Variants in ZC3H12B observed in about 807,000 individuals in gnomAD.
The protein encoded by ZC3H12B is zinc finger CCCH-type containing 12B.
Under a neutral mutation model 43.9 loss-of-function variants are expected in ZC3H12B, and 7 were observed. That is an observed-to-expected ratio of 0.16 (90% CI 0.09 to 0.30). The LOEUF is 0.30. ZC3H12B is among the 10% of genes least tolerant of loss of function. The pLI is 1.00. For missense variants in ZC3H12B, 475 were observed against 670.2 expected (o/e 0.71, Z 3.22); for synonymous variants, 222 against 241.7 (o/e 0.92, Z 0.76).
chrX:65,112,985 T>A, the ZC3H12B span, among the ~76,000 whole-genome samples: 38 of 111,841 alleles, frequency 3.4e-4, no homozygotes, highest in African/African-American at 1.2e-3. Flanking sequence ...TGATTCAGTG[T>A]TATAGATGCC....
the ZC3H12B span, among the ~76,000 whole-genome samples, chrX:65,329,854 G>A: frequency 1.8e-5 from 2 of 111,233 alleles, no homozygotes; most frequent in Non-Finnish European, 3.8e-5. Context: ...AGATCAGATA[G>A]TTGTAGATAT....
At chrX:65,134,036 AG>A in the ZC3H12B span, among the ~76,000 whole-genome samples, 1 of 111,237 alleles carries the variant, frequency 9.0e-6, no homozygotes, top group Non-Finnish European at 1.9e-5. Flanking sequence ...GTGTTGCAGA[AG>A]AAAATAAGAT....
At chrX:65,215,365 A>G in the ZC3H12B span, among the ~76,000 whole-genome samples, 1 of 111,648 alleles carries the variant, frequency 9.0e-6, no homozygotes, top group Non-Finnish European at 1.9e-5. Context: ...ACCATCATCT[A>G]TTATCTTATC....
chrX:65,113,530 T>C, the ZC3H12B span, among the ~76,000 whole-genome samples: 25,667 of 108,592 alleles, frequency 0.24, 7,649 homozygotes, highest in African/African-American at 0.83. Flanking sequence ...CACCACTGCA[T>C]TCCAACCTGG....
At chrX:65,284,446 TC>T in the ZC3H12B span, among the ~76,000 whole-genome samples, 1 of 111,055 alleles carries the variant, frequency 9.0e-6, no homozygotes, top group South Asian at 3.8e-4. Flanking sequence ...GAAAAACAAT[TC>T]AGGATATGAA....
At chrX:65,283,376 G>A in the ZC3H12B span, among the ~76,000 whole-genome samples, 1 of 111,624 alleles carries the variant, frequency 9.0e-6, no homozygotes, top group Non-Finnish European at 1.9e-5. Flanking sequence ...CATACTGAAT[G>A]GGCAAAAACT....
the ZC3H12B span, among the ~76,000 whole-genome samples, chrX:65,135,396 C>A: frequency 3.7e-5 from 4 of 107,485 alleles, no homozygotes; most frequent in Non-Finnish European, 7.7e-5. Flanking sequence ...TTTTAAATTT[C>A]TTTTCTGTTT....
chrX:65,356,555 C>A, the ZC3H12B span, among the ~76,000 whole-genome samples: 5 of 111,803 alleles, frequency 4.5e-5, no homozygotes, highest in Non-Finnish European at 9.4e-5. Flanking sequence ...CAAAAAAATT[C>A]CTTCATTGAC....
chrX:65,075,880 GCT>G, the ZC3H12B span, among the ~76,000 whole-genome samples: 1 of 111,752 alleles, frequency 8.9e-6, no homozygotes, highest in African/African-American at 3.3e-5. Flanking sequence ...TGCTGATGAT[GCT>G]ATGCTAAGCT....
At chrX:65,077,249 A>T in the ZC3H12B span, among the ~76,000 whole-genome samples, 2 of 111,751 alleles carry the variant, frequency 1.8e-5, no homozygotes, top group Non-Finnish European at 3.8e-5. Flanking sequence ...TCATTGAGCC[A>T]CCTTATCCTG....
At chrX:65,068,105 C>CTTTTTTTT in the ZC3H12B span, among the ~76,000 whole-genome samples, 61 of 60,619 alleles carry the variant, frequency 1.0e-3, no homozygotes, top group Middle Eastern at 0.011. Flanking sequence ...CTTGATGTTA[C>CTTTTTTTT]TTTTTTTTTT....
At chrX:65,279,934 A>T in the ZC3H12B span, among the ~76,000 whole-genome samples, 1 of 112,363 alleles carries the variant, frequency 8.9e-6, no homozygotes. Flanking sequence ...CACTTCTAAA[A>T]AGAAATCGTA....
intron 2 of ZC3H12B, among the ~76,000 whole-genome samples, chrX:65,392,077 C>T (rs1178838858): frequency 1.8e-5 from 2 of 111,581 alleles, no homozygotes; most frequent in African/African-American, 6.5e-5. Flanking sequence ...CTCAATGTTG[C>T]CCAGACTGGA....
At chrX:65,466,857 AT>A (rs1330584756) in intron 3 of ZC3H12B, among the ~76,000 whole-genome samples, 1 of 80,306 alleles carries the variant, frequency 1.2e-5, no homozygotes, top group Non-Finnish European at 2.5e-5. Context: ...GGGCATTTGT[AT>A]TTTTTTAATT....
the ZC3H12B span, among the ~76,000 whole-genome samples, chrX:65,253,103 G>C: frequency 8.9e-6 from 1 of 112,079 alleles, no homozygotes; most frequent in Non-Finnish European, 1.9e-5. Context: ...GAAGTAGTCT[G>C]ACTAAATGCA....
At chrX:65,094,514 T>C in the ZC3H12B span, among the ~76,000 whole-genome samples, 1 of 110,891 alleles carries the variant, frequency 9.0e-6, no homozygotes, top group Non-Finnish European at 1.9e-5. Context: ...CCCCATGAGA[T>C]CAAAACTATT....
the ZC3H12B span, among the ~76,000 whole-genome samples, chrX:65,245,365 C>CA: frequency 9.0e-5 from 10 of 111,606 alleles, no homozygotes; most frequent in Non-Finnish European, 1.7e-4. Flanking sequence ...ATCCTGATAC[C>CA]AAAATCTGGC....
exon 3 of ZC3H12B, chrX:65,499,041 T>C (rs2068329199): frequency 1.7e-6 from 2 of 1,211,393 alleles, no homozygotes; most frequent in Non-Finnish European, 2.2e-6. Flanking sequence ...AAGATTCTTG[T>C]CTTCACACCA....
the ZC3H12B span, among the ~76,000 whole-genome samples, chrX:65,336,817 C>T: frequency 1.8e-5 from 2 of 112,337 alleles, no homozygotes; most frequent in Non-Finnish European, 3.8e-5. Flanking sequence ...CTCAAGTTTC[C>T]CCCTTTGGGA....
Sources: allele counts gnomAD v4.1 joint callset (sites outside exome capture counted in the v4.1 genomes callset), GRCh38; gene constraint gnomAD v4.1.1; transcripts MANE v1.5; gene names NCBI Gene and HGNC (gene_info 2026-07-23, HGNC 2026-07-21).